The following SHISAL2B variants were observed in gnomAD, a reference collection of about 807,000 sequenced individuals.
SHISAL2B encodes protein shisa-like-2B.
In SHISAL2B, 12 loss-of-function variants were observed where a neutral mutation model predicts 16.5. That is an observed-to-expected ratio of 0.73 (90% CI 0.47 to 1.18). The LOEUF (loss-of-function observed/expected upper bound fraction) is 1.18, where lower values mean the gene tolerates loss of function less well. Ranked by LOEUF, SHISAL2B falls within the 50% of genes most tolerant of loss-of-function variation. The pLI is 0.00. For synonymous variants in SHISAL2B, 72 were observed against 75.0 expected (o/e 0.96, Z 0.21); for missense variants, 183 against 193.6 (o/e 0.95, Z 0.33).
In SHISAL2B at chr5:64,693,818, C is replaced by G. The variant is rs531175727; in HGVS notation, c.192-1689C>G. On this transcript the variant is annotated intron_variant, in intron 1 of 2. Coordinates refer to ENST00000389074, the MANE Select transcript of SHISAL2B (RefSeq NM_001164442.2). ...TACAGTGAGTCACTCTACAGTGACTCTAGCCATAAAATTCCCCAGCCTTCA... is the reference window on the plus strand; with the variant it reads ...TACAGTGAGTCACTCTACAGTGACTGTAGCCATAAAATTCCCCAGCCTTCA... Among the ~76,000 whole-genome samples the G allele has an allele frequency of 1.5e-4, 23 of 152,276 alleles. 1 individual carries two copies. The South Asian group carries it at 4.6e-3, about 30-fold the overall frequency.
chr5:64,704,336 T>C (rs1741848029), intron 2 of SHISAL2B, among the ~76,000 whole-genome samples: 1 of 152,206 alleles, frequency 6.6e-6, no homozygotes, highest in Admixed American at 6.5e-5. Context: ...TTAACTGTTA[T>C]CAGAAAAATT....
In SHISAL2B at chr5:64,695,386, A is replaced by T. The variant is rs913322558; in HGVS notation, c.192-121A>T. On this transcript the variant is annotated intron_variant, in intron 1 of 2. Transcript: ENST00000389074. Reference sequence around the variant, plus strand: ...ATTTCAATCAGTTCCTTTTTATGCTAAAATACAATTTGGTTATGAATAACT... The same window carrying T: ...ATTTCAATCAGTTCCTTTTTATGCTTAAATACAATTTGGTTATGAATAACT... 5.0e-6 allele frequency: 3 copies of T among 601,964 alleles called. No individual in the cohort carries two copies. The African/African-American group carries it at 5.6e-5, about 11-fold the overall frequency. The allele number at this position is 601,964 out of a possible 1,614,324, so 37.3% of individuals were successfully genotyped here. A position where few individuals can be genotyped will look rare whatever the true frequency, so the allele number is the denominator to read the frequency against.
intron 2 of SHISAL2B, among the ~76,000 whole-genome samples, chr5:64,696,936 T>C (rs901301484): frequency 2.6e-5 from 4 of 152,208 alleles, no homozygotes; most frequent in African/African-American, 9.7e-5. Context: ...CTTGTGATCT[T>C]TGTGACCTAC....
At chr5:64,713,564 A>T (rs275815) in intron 2 of SHISAL2B, among the ~76,000 whole-genome samples, 20,306 of 62,674 alleles carry the variant, frequency 0.32, 4,287 homozygotes, top group African/African-American at 0.64. Context: ...TTCTCTGTAT[A>T]TCCTGAATCT....
chr5:64,718,117 T>C lies in SHISAL2B; in HGVS notation c.*95T>C, dbSNP rs573043646. On this transcript the variant is annotated 3_prime_UTR_variant, in exon 3 of 3. Coordinates refer to ENST00000389074, the MANE Select transcript of SHISAL2B (RefSeq NM_001164442.2). ...GGTTTGTAATATTGCTTTTCAAAAA[T>C]TCGTCACTCACAAAGCAAGACACAG... The C allele has an allele frequency of 7.1e-6, 8 of 1,127,082 alleles. No individual in the cohort carries two copies. The African/African-American group carries it at 1.3e-4, about 18-fold the overall frequency. 69.8% of individuals were successfully genotyped at this position (1,127,082 alleles called of 1,614,324 possible). A position where few individuals can be genotyped will look rare whatever the true frequency, so the allele number is the denominator to read the frequency against.
At chr5:64,697,623 A>G (rs1315717759) in intron 2 of SHISAL2B, among the ~76,000 whole-genome samples, 3 of 152,122 alleles carry the variant, frequency 2.0e-5, no homozygotes, top group Non-Finnish European at 4.4e-5. Context: ...TCTAGAATAT[A>G]CATTATAGAT....
chr5:64,713,014 TA>T (rs1741981434), intron 2 of SHISAL2B, among the ~76,000 whole-genome samples: 1 of 152,166 alleles, frequency 6.6e-6, no homozygotes. Flanking sequence ...CTATGTCTTT[TA>T]ATTGGAGAAT....
At chr5:64,695,034 G>A (rs1741712060) in intron 1 of SHISAL2B, among the ~76,000 whole-genome samples, 1 of 152,160 alleles carries the variant, frequency 6.6e-6, no homozygotes, top group African/African-American at 2.4e-5. Flanking sequence ...GGAGGCCGAG[G>A]CGGGTGGATC....
chr5:64,709,402 G>T (rs1160147266), intron 2 of SHISAL2B, among the ~76,000 whole-genome samples: 2 of 149,420 alleles, frequency 1.3e-5, no homozygotes, highest in East Asian at 3.9e-4. Context: ...ATTCCATGGT[G>T]TATATGTGCC....
At chr5:64,698,085 A>T (rs1741763708) in intron 2 of SHISAL2B, among the ~76,000 whole-genome samples, 1 of 152,230 alleles carries the variant, frequency 6.6e-6, no homozygotes, top group Non-Finnish European at 1.5e-5. Flanking sequence ...TTGATTAGTG[A>T]TTATCAAATA....
intron 2 of SHISAL2B, among the ~76,000 whole-genome samples, chr5:64,700,445 C>G (rs1187998648): frequency 6.6e-6 from 1 of 152,184 alleles, no homozygotes; most frequent in Non-Finnish European, 1.5e-5. Context: ...GAGTCTCGCT[C>G]TGTTGCCCAG....
At position 64,715,068 on chromosome 5, in the gene SHISAL2B, C is replaced by G. The variant is rs935274753; in HGVS notation, c.350-2821C>G. Reference sequence around the variant, plus strand: ...ATTCGGCCATCTTGGCTCCCCCCACCGACATCTTTCAAAACTTGTAAATAA... The same window carrying G: ...ATTCGGCCATCTTGGCTCCCCCCACGGACATCTTTCAAAACTTGTAAATAA... On this transcript the variant is annotated intron_variant, in intron 2 of 2. Transcript: ENST00000389074. 1.9e-4 allele frequency among the ~76,000 whole-genome samples: 29 copies of G among 152,088 alleles called. No individual in the cohort carries two copies. In the East Asian group the frequency reaches 1.9e-3, roughly 10 times the overall value.
chr5:64,695,646 G>A lies in SHISAL2B; in HGVS notation c.331G>A (p.Ala111Thr), dbSNP rs2305962. 1 of 1,531,324 alleles carries A rather than the reference G, an allele frequency of 6.5e-7. No homozygotes were observed. Among genetic ancestry groups the A allele is most frequent in the Non-Finnish European group, 8.7e-7 (1 of 1,144,374 alleles). The allele number at this position is 1,531,324 out of a possible 1,614,324, so 94.9% of individuals were successfully genotyped here. ...DTGLKLQHLEASSTQEGKSNG... is the reference protein window; with the variant it reads ...DTGLKLQHLETSSTQEGKSNG... The stretch of plus-strand genomic sequence containing the variant: ...TGGCCTTAAGCTTCAACACTTAGAG[G>A]CTTCTTCCACTCAAGAAGGTAATCA... Residue 111 changes from alanine (A) to threonine (T), a missense_variant, in exon 2 of 3, where the codon GCT (alanine) becomes ACT (threonine). Coordinates refer to ENST00000389074, the MANE Select transcript of SHISAL2B (RefSeq NM_001164442.2).
At chr5:64,707,345 G>T (rs1741888126) in intron 2 of SHISAL2B, among the ~76,000 whole-genome samples, 1 of 152,032 alleles carries the variant, frequency 6.6e-6, no homozygotes, top group South Asian at 2.1e-4. Context: ...GAGGTCCCAG[G>T]ATAACTTGGG....
chr5:64,692,488 G>C (rs144801031), intron 1 of SHISAL2B, among the ~76,000 whole-genome samples: 32 of 152,304 alleles, frequency 2.1e-4, no homozygotes, highest in Non-Finnish European at 3.5e-4. Flanking sequence ...GTTCCTGTGA[G>C]TTATTGAGCT....
chr5:64,690,934 G>A (rs1741639209), intron 1 of SHISAL2B, 120 bp downstream of exon 1: 1 of 876,834 alleles, frequency 1.1e-6, no homozygotes, highest in African/African-American at 1.7e-5. Flanking sequence ...CCTAGGTTAG[G>A]TCCCTACGGA....
chr5:64,713,615 G>C lies in SHISAL2B; in HGVS notation c.350-4274G>C, dbSNP rs373929156. Reference sequence around the variant, plus strand: ...TTGCTAGATTGGGGAAGTTCTCCTGGATAATATCCTGCAGAGTGTTTTCCA... The same window carrying C: ...TTGCTAGATTGGGGAAGTTCTCCTGCATAATATCCTGCAGAGTGTTTTCCA... On this transcript the variant is annotated intron_variant, in intron 2 of 2. Transcript: ENST00000389074. Among the ~76,000 whole-genome samples, 140 of 110,384 alleles carry C rather than the reference G, an allele frequency of 1.3e-3. 5 individuals are homozygous for C. The East Asian group carries it at 0.03, about 23-fold the overall frequency. The allele number at this position is 110,384 out of a possible 152,430, so 72.4% of individuals were successfully genotyped here.
intron 2 of SHISAL2B, 142 bp downstream of exon 2, chr5:64,695,806 T>A (rs1741724395): frequency 3.5e-6 from 2 of 574,868 alleles, no homozygotes; most frequent in Non-Finnish European, 5.5e-6. Context: ...TCACATTGAA[T>A]CAGGCCGTTA....
At chr5:64,709,037 T>A in intron 2 of SHISAL2B, among the ~76,000 whole-genome samples, 1 of 151,914 alleles carries the variant, frequency 6.6e-6, no homozygotes, top group East Asian at 1.9e-4. Flanking sequence ...TCTTTCTTTT[T>A]TTTTTTTTTA....
Sources: gnomAD v4.1 joint callset for allele counts (sites outside exome capture counted in the v4.1 genomes callset) on GRCh38, gnomAD v4.1.1 for gene constraint, MANE v1.5 for transcripts, NCBI Gene and HGNC (gene_info 2026-07-23, HGNC 2026-07-21) for gene names.